ATG5: variants seen among roughly 807,000 people sequenced by gnomAD.
The protein encoded by ATG5 is autophagy related 5, also known as autophagy protein 5.
ATG5 carries 14 observed loss-of-function variants against 36.5 expected under a neutral mutation model. That is an observed-to-expected ratio of 0.38 (90% confidence interval 0.25 to 0.60). The LOEUF (loss-of-function observed/expected upper bound fraction) is 0.60. ATG5 is among the 20% of genes least tolerant of loss of function. The probability of loss-of-function intolerance (pLI) is 0.60; values close to 1 mark genes in which losing one functional copy is unlikely to be tolerated. For synonymous variants in ATG5, 95 were observed against 101.5 expected (o/e 0.94, Z 0.38); for missense variants, 195 against 326.7 (o/e 0.60, Z 3.11).
intron 6 of ATG5, among the ~76,000 whole-genome samples, chr6:106,216,687 A>C (rs759030880): frequency 3.9e-5 from 6 of 152,150 alleles, no homozygotes; most frequent in Non-Finnish European, 7.3e-5. Flanking sequence ...TGTAACTTAG[A>C]ATTCAGTGAC....
intron 7 of ATG5, among the ~76,000 whole-genome samples, chr6:106,192,544 T>C (rs1776003660): frequency 6.6e-6 from 1 of 152,170 alleles, no homozygotes; most frequent in Non-Finnish European, 1.5e-5. Context: ...GATGTATCTT[T>C]AAGGGAAATT....
chr6:106,298,174 T>C (rs1032201203), intron 3 of ATG5, among the ~76,000 whole-genome samples: 9 of 152,058 alleles, frequency 5.9e-5, no homozygotes, highest in African/African-American at 2.2e-4. Context: ...TTGGCCAGGC[T>C]AGTCTTGAAC....
At position 106,207,577 on chromosome 6, in the gene ATG5, A is replaced by G. The variant is rs558108715; in HGVS notation, c.574-5488T>C. On this transcript the variant is annotated intron_variant, in intron 6 of 7. Transcript: ENST00000369076. Reference sequence around the variant, plus strand: ...AAAGAAAGAAATGAAATGCAAAGAAAAAGTCTCTATTTCAAATGTAGCCAG... The same window carrying G: ...AAAGAAAGAAATGAAATGCAAAGAAGAAGTCTCTATTTCAAATGTAGCCAG... Among the ~76,000 whole-genome samples the G allele has an allele frequency of 8.9e-4, 135 of 152,266 alleles. 2 individuals are homozygous for G. The Middle Eastern group carries it at 0.01, about 12-fold the overall frequency.
chr6:106,315,157 C>G (rs1212692952), intron 2 of ATG5, among the ~76,000 whole-genome samples: 1 of 152,184 alleles, frequency 6.6e-6, no homozygotes, highest in Non-Finnish European at 1.5e-5. Flanking sequence ...ATCTGACTTT[C>G]CGTAGCTGGA....
At chr6:106,225,005 A>T (rs1328452791) in intron 6 of ATG5, among the ~76,000 whole-genome samples, 1 of 152,272 alleles carries the variant, frequency 6.6e-6, no homozygotes, top group Non-Finnish European at 1.5e-5. Flanking sequence ...ACAAGCCATC[A>T]TCATTGCTGT....
chr6:106,293,813 T>C (rs999932725), intron 3 of ATG5, among the ~76,000 whole-genome samples: 1 of 152,202 alleles, frequency 6.6e-6, no homozygotes, highest in African/African-American at 2.4e-5. Context: ...ACATGACTAA[T>C]ACAAATGTTG....
Position 106,293,119 on chromosome 6 carries a change from C to T in ATG5, c.237-13G>A, listed in dbSNP as rs759708909. 3.7e-6 allele frequency: 6 copies of T among 1,605,100 alleles called. No individual in the cohort carries two copies. The East Asian group carries it at 1.3e-4, about 36-fold the overall frequency. ...AATTGGATAATGCCTAAAAATGAAA[C>T]AGTATATTTTGAGAAAATAAATATT... On this transcript the variant is annotated splice_polypyrimidine_tract_variant and intron_variant, in intron 3 of 7. Coordinates refer to ENST00000369076, the MANE Select transcript of ATG5 (RefSeq NM_004849.4).
At chr6:106,191,842 C>T (rs949714875) in intron 7 of ATG5, among the ~76,000 whole-genome samples, 4 of 151,992 alleles carry the variant, frequency 2.6e-5, no homozygotes, top group Admixed American at 1.3e-4. Context: ...TTCCTACACA[C>T]GTTATAAGAA....
intron 4 of ATG5, among the ~76,000 whole-genome samples, chr6:106,290,242 CTATTTTATTTTATTTTATTTATTT>C (rs1562258449): frequency 2.0e-5 from 3 of 147,170 alleles, no homozygotes; most frequent in African/African-American, 7.4e-5. Context: ...TTTTATTTAT[CTATTTTATTTTATTTTATTTATTT>C]TATTTTATTT....
At position 106,305,244 on chromosome 6, in the gene ATG5, A is replaced by G. The variant is rs139706319; in HGVS notation, c.236+3120T>C. Among the ~76,000 whole-genome samples, 6 of 152,238 alleles carry G rather than the reference A, an allele frequency of 3.9e-5. No homozygotes were observed. The East Asian group carries it at 1.2e-3, about 29-fold the overall frequency. On this transcript the variant is annotated intron_variant, in intron 3 of 7. Coordinates refer to ENST00000369076, the MANE Select transcript of ATG5 (RefSeq NM_004849.4). ...AGGAAAAATAATTTGTTTTAAGAATACTCCATTCTGCTATTATCTATAACT... is the reference window on the plus strand; with the variant it reads ...AGGAAAAATAATTTGTTTTAAGAATGCTCCATTCTGCTATTATCTATAACT...
intron 6 of ATG5, among the ~76,000 whole-genome samples, chr6:106,213,638 C>T (rs1006621206): frequency 5.3e-5 from 8 of 151,844 alleles, no homozygotes; most frequent in African/African-American, 1.9e-4. Context: ...GAAAAGTGGA[C>T]TAAAGGCCAT....
At chr6:106,295,564 ATT>A (rs71549459) in intron 3 of ATG5, among the ~76,000 whole-genome samples, 35 of 142,102 alleles carry the variant, frequency 2.5e-4, no homozygotes, top group Admixed American at 3.5e-4. Flanking sequence ...AAATCAAGTA[ATT>A]TTTTTTTTTT....
chr6:106,242,561 ATTTAT>A (rs142822654), intron 6 of ATG5, among the ~76,000 whole-genome samples: 3,737 of 152,276 alleles, frequency 0.025, 60 homozygotes, highest in African/African-American at 0.049. Flanking sequence ...TTTATGTTAC[ATTTAT>A]TTTACCATGA....
At chr6:106,295,513 A>G (rs1261721620) in intron 3 of ATG5, among the ~76,000 whole-genome samples, 2 of 152,220 alleles carry the variant, frequency 1.3e-5, no homozygotes. Context: ...ATTTGTAAGC[A>G]AATTCTAAAA....
intron 3 of ATG5, among the ~76,000 whole-genome samples, chr6:106,305,888 G>C (rs544387125): frequency 2.0e-5 from 3 of 152,316 alleles, no homozygotes; most frequent in Non-Finnish European, 2.9e-5. Context: ...AGAGAGAAAA[G>C]ATCAAGACTA....
chr6:106,315,937 T>C (rs1582692348), intron 2 of ATG5, among the ~76,000 whole-genome samples, 164 bp downstream of exon 2: 2 of 152,176 alleles, frequency 1.3e-5, no homozygotes, highest in Non-Finnish European at 2.9e-5. Flanking sequence ...GCATTAGAGG[T>C]GATTATTTCC....
At chr6:106,235,003 G>A (rs73775396) in intron 6 of ATG5, among the ~76,000 whole-genome samples, 3,740 of 151,584 alleles carry the variant, frequency 0.025, 65 homozygotes, top group African/African-American at 0.049. Flanking sequence ...TTTAGCGGAA[G>A]AATGTTGTTA....
At chr6:106,243,200 T>C (rs1403552896) in intron 6 of ATG5, among the ~76,000 whole-genome samples, 1 of 152,172 alleles carries the variant, frequency 6.6e-6, no homozygotes, top group African/African-American at 2.4e-5. Flanking sequence ...CCCAAAAGAA[T>C]TAAAATATTA....
intron 6 of ATG5, among the ~76,000 whole-genome samples, chr6:106,243,992 G>A (rs1354618668): frequency 1.6e-5 from 2 of 126,278 alleles, no homozygotes. Context: ...ATGGCTCACT[G>A]CAACCTTGAC....
Sources: gnomAD v4.1 joint callset for allele counts (sites outside exome capture counted in the v4.1 genomes callset) on GRCh38, gnomAD v4.1.1 for gene constraint, MANE v1.5 for transcripts, NCBI Gene and HGNC (gene_info 2026-07-23, HGNC 2026-07-21) for gene names.